The following ASCC1 variants were observed in gnomAD, a reference collection of about 807,000 sequenced individuals.
ASCC1 encodes the protein activating signal cointegrator 1 complex subunit 1.
In ASCC1, 35 loss-of-function variants were observed where a neutral mutation model predicts 46.6. That is an observed-to-expected ratio of 0.75 (90% CI 0.57 to 0.99). ASCC1 has a LOEUF of 0.99. ASCC1 is among the 50% of genes least tolerant of loss of function. The probability of loss-of-function intolerance (pLI) is 0.00; values close to 1 mark genes in which losing one functional copy is unlikely to be tolerated. For missense variants in ASCC1, 376 were observed against 428.7 expected (o/e 0.88, Z 1.09); for synonymous variants, 143 against 146.6 (o/e 0.98, Z 0.18).
intron 5 of ASCC1, among the ~76,000 whole-genome samples, chr10:72,177,729 T>C (rs1852028906): frequency 2.0e-5 from 3 of 152,214 alleles, no homozygotes; most frequent in Non-Finnish European, 2.9e-5. Context: ...TAAAAAATGA[T>C]TGAGAGATAT....
At chr10:72,158,059 A>C (rs1386880837) in intron 6 of ASCC1, among the ~76,000 whole-genome samples, 2 of 152,180 alleles carry the variant, frequency 1.3e-5, no homozygotes, top group Admixed American at 1.3e-4. Flanking sequence ...AGAAGAAAAA[A>C]AATTAGAAAC....
chr10:72,192,284 T>C (rs1467495101), intron 5 of ASCC1, among the ~76,000 whole-genome samples: 20 of 151,746 alleles, frequency 1.3e-4, no homozygotes, highest in Non-Finnish European at 1.0e-4. Context: ...TGAAACCCCA[T>C]CTCCACTAAA....
chr10:72,131,439 TACAC>T (rs71927487), intron 8 of ASCC1, among the ~76,000 whole-genome samples: 1,429 of 139,248 alleles, frequency 0.01, 24 homozygotes, highest in African/African-American at 0.029. Context: ...AAAATAAAAA[TACAC>T]ACACACACAC....
intron 5 of ASCC1, among the ~76,000 whole-genome samples, chr10:72,184,237 C>T (rs553274278): frequency 6.8e-6 from 1 of 147,292 alleles, no homozygotes; most frequent in Admixed American, 6.8e-5. Flanking sequence ...ACAAAGAAGA[C>T]CAAAAAAAAA....
intron 3 of ASCC1, among the ~76,000 whole-genome samples, chr10:72,208,749 G>A (rs1302234819): frequency 6.6e-6 from 1 of 151,260 alleles, no homozygotes; most frequent in Non-Finnish European, 1.5e-5. Context: ...GACAGAGTAA[G>A]ACTCCATCTC....
intron 7 of ASCC1, among the ~76,000 whole-genome samples, chr10:72,140,520 T>C (rs1042002081): frequency 6.6e-6 from 1 of 152,204 alleles, no homozygotes; most frequent in Non-Finnish European, 1.5e-5. Flanking sequence ...TTTCATAATA[T>C]CTATATTCAC....
intron 9 of ASCC1, among the ~76,000 whole-genome samples, chr10:72,123,293 C>T (rs1024671022): frequency 2.0e-5 from 3 of 147,866 alleles, no homozygotes; most frequent in African/African-American, 5.0e-5. Flanking sequence ...GAGCCGGGAT[C>T]GTGCCACTGC....
intron 5 of ASCC1, 73 bp from the exon 6 acceptor site, chr10:72,161,747 C>T: frequency 1.3e-6 from 2 of 1,577,318 alleles, no homozygotes; most frequent in Non-Finnish European, 1.7e-6. Flanking sequence ...ATTGAGTCCC[C>T]AAAAATAAAC....
intron 9 of ASCC1, among the ~76,000 whole-genome samples, chr10:72,117,529 C>A (rs1720688325): frequency 6.6e-6 from 1 of 152,140 alleles, no homozygotes; most frequent in Non-Finnish European, 1.5e-5. Context: ...TGCCATTTGC[C>A]AGAGATTTCC....
intron 5 of ASCC1, among the ~76,000 whole-genome samples, chr10:72,191,683 G>C (rs1854526357): frequency 2.0e-5 from 3 of 151,848 alleles, no homozygotes; most frequent in Admixed American, 2.0e-4. Context: ...AATTTCACTG[G>C]TTGCCCAGGC....
chr10:72,136,050 T>A (rs185972447), intron 7 of ASCC1, among the ~76,000 whole-genome samples: 1 of 152,258 alleles, frequency 6.6e-6, no homozygotes, highest in Admixed American at 6.5e-5. Context: ...AGAGACATGA[T>A]CTCACTCTGC....
In ASCC1 at chr10:72,127,843, G is replaced by A. The variant is rs369510377; in HGVS notation, c.957+239C>T. On this transcript the variant is annotated intron_variant, in intron 9 of 9. Transcript: ENST00000672957. ...TGCACTCCAGCGTGAGCAACAGAGC[G>A]AGACACTGTCTCAGATAAACAAATA... Among the ~76,000 whole-genome samples, 140 of 151,816 alleles carry A rather than the reference G, an allele frequency of 9.2e-4. 1 individual carries two copies. In the South Asian group the frequency reaches 0.012, roughly 14 times the overall value.
At chr10:72,162,331 C>T (rs1055111734) in intron 5 of ASCC1, among the ~76,000 whole-genome samples, 10 of 151,958 alleles carry the variant, frequency 6.6e-5, no homozygotes, top group Admixed American at 2.0e-4. Flanking sequence ...CCACCACGCC[C>T]GGCTAATTTT....
In ASCC1 at chr10:72,096,115, A is replaced by G. The variant is rs186424026; in HGVS notation, c.*1219T>C. 2.4e-5 allele frequency: 11 copies of G among 454,174 alleles called. No individual in the cohort carries two copies. The highest frequency in any genetic ancestry group is 4.9e-5 in the Non-Finnish European group (11 of 226,798). 28.1% of individuals were successfully genotyped at this position (454,174 alleles called of 1,614,324 possible). A position where few individuals can be genotyped will look rare whatever the true frequency, so the allele number is the denominator to read the frequency against. On this transcript the variant is annotated 3_prime_UTR_variant, in exon 10 of 10. Transcript: ENST00000672957. ...TTAGACACAGTCCTCACAATGTAGC[A>G]ACTTAACACAGAGTTCAGAAGTGCA... is the stretch of plus-strand genomic sequence containing the variant.
At chr10:72,140,374 T>A (rs753758010) in intron 7 of ASCC1, among the ~76,000 whole-genome samples, 6 of 152,122 alleles carry the variant, frequency 3.9e-5, no homozygotes, top group Non-Finnish European at 7.3e-5. Flanking sequence ...AGCTGAAGTA[T>A]TAAGATGATG....
At chr10:72,153,907 A>T (rs1179756312) in intron 6 of ASCC1, among the ~76,000 whole-genome samples, 1 of 151,744 alleles carries the variant, frequency 6.6e-6, no homozygotes, top group African/African-American at 2.4e-5. Context: ...TTTTTAGTAG[A>T]GATGGGGTTT....
chr10:72,180,293 A>G (rs887465523), intron 5 of ASCC1, among the ~76,000 whole-genome samples: 2 of 149,356 alleles, frequency 1.3e-5, no homozygotes, highest in Non-Finnish European at 1.5e-5. Flanking sequence ...AGAAAAAAAG[A>G]AAAAAAAAAG....
chr10:72,210,694 A>T, intron 3 of ASCC1, 38 bp downstream of exon 3: 1 of 1,570,536 alleles, frequency 6.4e-7, no homozygotes, highest in Non-Finnish European at 8.8e-7. Context: ...AGTTTCCTGG[A>T]AGTGTCTTCC....
chr10:72,183,172 T>G (rs895359025), intron 5 of ASCC1, among the ~76,000 whole-genome samples: 4 of 151,588 alleles, frequency 2.6e-5, no homozygotes, highest in African/African-American at 9.7e-5. Context: ...GCCTCCTGAG[T>G]AGCTGGGATT....
Sources: gnomAD v4.1 joint callset for allele counts (sites outside exome capture counted in the v4.1 genomes callset) on GRCh38, gnomAD v4.1.1 for gene constraint, MANE v1.5 for transcripts, NCBI Gene and HGNC (gene_info 2026-07-23, HGNC 2026-07-21) for gene names.